The following XKR9 variants were observed in gnomAD, a reference collection of about 807,000 sequenced individuals.
XKR9 encodes XK-related protein 9.
A neutral mutation model predicts 32.0 loss-of-function variants in XKR9; 32 were observed. The ratio of observed to expected loss-of-function variants is 1.00; its 90% CI spans 0.76 to 1.34. The LOEUF (loss-of-function observed/expected upper bound fraction) is 1.34, where lower values mean the gene tolerates loss of function less well. Ranked by LOEUF, XKR9 falls within the 40% of genes most tolerant of loss-of-function variation. The pLI is 0.00. For missense variants in XKR9, 546 were observed against 429.7 expected (o/e 1.27, Z -2.39); for synonymous variants, 168 against 143.4 (o/e 1.17, Z -1.22).
intron 4 of XKR9, among the ~76,000 whole-genome samples, chr8:70,710,697 C>G (rs1327919252): frequency 1.5e-5 from 2 of 136,818 alleles, no homozygotes; most frequent in Admixed American, 7.2e-5. Context: ...GAGCGAGACT[C>G]CATCTCAAAC....
chr8:70,932,835 T>C, the XKR9 span, among the ~76,000 whole-genome samples: 4 of 152,130 alleles, frequency 2.6e-5, no homozygotes, highest in Non-Finnish European at 5.9e-5. Flanking sequence ...TAAGGCCCTA[T>C]CTCCCAATAC....
At chr8:70,673,907 C>T (rs1818799559) in intron 1 of XKR9, among the ~76,000 whole-genome samples, 1 of 152,186 alleles carries the variant, frequency 6.6e-6, no homozygotes, top group Non-Finnish European at 1.5e-5. Flanking sequence ...TATCTACTTA[C>T]AACATGCAAG....
At chr8:70,695,929 T>G (rs1586823914) in intron 3 of XKR9, among the ~76,000 whole-genome samples, 2 of 152,068 alleles carry the variant, frequency 1.3e-5, no homozygotes, top group African/African-American at 4.8e-5. Context: ...TGATGGCCAG[T>G]GATGGTGAGC....
chr8:71,035,286 G>T, the XKR9 span, among the ~76,000 whole-genome samples: 6 of 152,256 alleles, frequency 3.9e-5, no homozygotes, highest in African/African-American at 1.4e-4. Flanking sequence ...CTTTTGAATA[G>T]AATACCAATG....
At chr8:70,933,035 C>T in the XKR9 span, among the ~76,000 whole-genome samples, 1 of 152,082 alleles carries the variant, frequency 6.6e-6, no homozygotes, top group Non-Finnish European at 1.5e-5. Flanking sequence ...AGGTTTCCGA[C>T]CCTCTAAAAC....
At chr8:70,688,761 C>G (rs62530770) in intron 3 of XKR9, among the ~76,000 whole-genome samples, 47,705 of 150,298 alleles carry the variant, frequency 0.32, 8,906 homozygotes, top group Non-Finnish European at 0.43. Flanking sequence ...GAAGCAATAG[C>G]CAGTATATGC....
chr8:70,710,483 T>C (rs1012441376), intron 4 of XKR9, among the ~76,000 whole-genome samples: 15 of 152,020 alleles, frequency 9.9e-5, no homozygotes, highest in Non-Finnish European at 2.2e-4. Context: ...GGTAGATCAC[T>C]TGAGGTCAGG....
chr8:70,821,977 A>G, the XKR9 span, among the ~76,000 whole-genome samples: 1 of 152,202 alleles, frequency 6.6e-6, no homozygotes, highest in Non-Finnish European at 1.5e-5. Flanking sequence ...ATGTCTCCTC[A>G]GAAAATGGGT....
the XKR9 span, among the ~76,000 whole-genome samples, chr8:70,797,020 C>T: frequency 2.0e-5 from 3 of 152,184 alleles, no homozygotes; most frequent in African/African-American, 7.2e-5. Flanking sequence ...TTAGCACCTG[C>T]AGCATTAAAC....
the XKR9 span, among the ~76,000 whole-genome samples, chr8:70,825,685 C>A: frequency 6.6e-6 from 1 of 152,064 alleles, no homozygotes; most frequent in Non-Finnish European, 1.5e-5. Flanking sequence ...CTATGCCTCC[C>A]AAATTGCAGT....
chr8:70,815,238 G>T, the XKR9 span, among the ~76,000 whole-genome samples: 2 of 152,034 alleles, frequency 1.3e-5, no homozygotes, highest in Admixed American at 1.3e-4. Context: ...TGTCATGGGG[G>T]TTTGTTGTAC....
chr8:70,880,454 C>T, the XKR9 span, among the ~76,000 whole-genome samples: 3 of 152,160 alleles, frequency 2.0e-5, no homozygotes, highest in African/African-American at 7.2e-5. Context: ...GTGCAAAAAT[C>T]ACAAGCATTC....
rs1210134661 is a variant in XKR9 at position 70,733,969 on chromosome 8, C to T, written c.667C>T (p.Leu223=). 2.5e-6 allele frequency: 4 copies of T among 1,612,334 alleles called. No individual in the cohort carries two copies. Among genetic ancestry groups the T allele is most frequent in the Non-Finnish European group, 3.4e-6 (4 of 1,179,488 alleles). Residue 223 remains leucine, a synonymous_variant, in exon 5 of 5, where the codon CTA becomes TTA. Transcript: ENST00000408926. Reference sequence around the variant, plus strand: ...ATCGTGGATGCTGAGTGTTGTACTTCTACTATTCTTAAATGTTAAGATTGC... The same window carrying T: ...ATCGTGGATGCTGAGTGTTGTACTTTTACTATTCTTAAATGTTAAGATTGC... ...LLSWMLSVVL[L]LFLNVKIALF...
At chr8:70,829,472 G>A in the XKR9 span, among the ~76,000 whole-genome samples, 2 of 151,964 alleles carry the variant, frequency 1.3e-5, no homozygotes, top group Non-Finnish European at 2.9e-5. Context: ...TTGTTGAGAC[G>A]GAGTCTCGCC....
At chr8:70,836,614 T>TG in the XKR9 span, among the ~76,000 whole-genome samples, 2 of 152,004 alleles carry the variant, frequency 1.3e-5, no homozygotes, top group Non-Finnish European at 1.5e-5. Flanking sequence ...GATTGATATT[T>TG]GGGGTTTTTT....
At chr8:71,030,168 G>A in the XKR9 span, among the ~76,000 whole-genome samples, 13 of 152,238 alleles carry the variant, frequency 8.5e-5, no homozygotes, top group African/African-American at 3.1e-4. Flanking sequence ...GGCATCTTGA[G>A]TAGTGATGCA....
At chr8:70,769,465 T>G (rs1400240410) in intron 2 of XKR9, among the ~76,000 whole-genome samples, 2 of 152,120 alleles carry the variant, frequency 1.3e-5, no homozygotes, top group East Asian at 3.9e-4. Context: ...CTGTATTTCC[T>G]GAATTTGAAT....
chr8:70,880,734 C>A, the XKR9 span, among the ~76,000 whole-genome samples: 1 of 152,128 alleles, frequency 6.6e-6, no homozygotes, highest in South Asian at 2.1e-4. Flanking sequence ...CCCCATCAAG[C>A]TACCAATGAC....
chr8:71,061,594 A>G, the XKR9 span, among the ~76,000 whole-genome samples: 2 of 152,242 alleles, frequency 1.3e-5, no homozygotes, highest in Non-Finnish European at 2.9e-5. Flanking sequence ...AATTGACACT[A>G]CTGTAGACAA....
Sources: allele counts gnomAD v4.1 joint callset (sites outside exome capture counted in the v4.1 genomes callset), GRCh38; gene constraint gnomAD v4.1.1; transcripts MANE v1.5; gene names NCBI Gene and HGNC (gene_info 2026-07-23, HGNC 2026-07-21).